TRAK2: variants seen among roughly 807,000 people sequenced by gnomAD.
TRAK2 encodes trafficking kinesin protein 2.
Under a neutral mutation model 104.6 loss-of-function variants are expected in TRAK2, and 81 were observed. That is an observed-to-expected ratio of 0.77 (90% confidence interval 0.65 to 0.93). TRAK2 has a LOEUF of 0.93. Among genes scored for constraint, TRAK2 ranks in the 40% least tolerant of loss-of-function variants. The pLI is 0.00. For missense variants in TRAK2, 1,002 were observed against 1,089.0 expected (o/e 0.92, Z 1.12); for synonymous variants, 406 against 394.4 (o/e 1.03, Z -0.35).
chr2:201,434,348 T>G (rs1004305077), intron 1 of TRAK2, among the ~76,000 whole-genome samples: 2 of 152,186 alleles, frequency 1.3e-5, no homozygotes, highest in African/African-American at 2.4e-5. Flanking sequence ...CCCAGTAATC[T>G]ATCATTAGCA....
At chr2:201,390,327 G>T (rs2349080) in intron 10 of TRAK2, among the ~76,000 whole-genome samples, 76 of 150,098 alleles carry the variant, frequency 5.1e-4, no homozygotes, top group African/African-American at 1.8e-3. Flanking sequence ...GGTGGATCAC[G>T]AGGTCAGGAG....
rs553752764 is a variant in TRAK2, at chr2:201,381,102, C to T, written c.2186G>A (p.Arg729Gln). ...LSIGESITNR[R>Q]DSTTTFSSTM... ...GCTACTGAAGGTTGTAGTGGAATCT[C>T]GTCGGTTGGTGATGGACTCACCAAT... Residue 729 changes from arginine to glutamine, a missense_variant, in exon 16 of 16, where the codon CGA (arginine) becomes CAA (glutamine). By Grantham distance (43) the Arg-to-Gln change is conservative. Coordinates refer to ENST00000332624, the MANE Select transcript of TRAK2 (RefSeq NM_015049.3). The T allele has an allele frequency of 1.7e-5, 27 of 1,613,864 alleles. No individual in the cohort carries two copies. Among genetic ancestry groups the T allele is most frequent in the South Asian group, 1.5e-4 (14 of 91,086 alleles).
intron 1 of TRAK2, among the ~76,000 whole-genome samples, chr2:201,448,939 G>T (rs890890320): frequency 6.6e-6 from 1 of 151,990 alleles, no homozygotes; most frequent in East Asian, 1.9e-4. Context: ...CTCCTGCCTC[G>T]GGCTCTCAAA....
Position 201,420,823 on chromosome 2 carries a change from A to G in TRAK2, c.-199-117T>C, listed in dbSNP as rs1951734598. On this transcript the variant is annotated intron_variant, in intron 1 of 15. Coordinates refer to ENST00000332624, the MANE Select transcript of TRAK2 (RefSeq NM_015049.3). ...TCTAATGATTCATACAACATGGATAAATCTCATAATTATGCTGGAAGAAAG... is the reference window on the plus strand; with the variant it reads ...TCTAATGATTCATACAACATGGATAGATCTCATAATTATGCTGGAAGAAAG... The G allele has an allele frequency of 2.4e-5, 5 of 207,518 alleles. No homozygotes were observed. In the South Asian group the frequency reaches 5.0e-4, roughly 21 times the overall value. The allele number at this position is 207,518 out of a possible 1,614,324, so 12.9% of individuals were successfully genotyped here.
intron 3 of TRAK2, among the ~76,000 whole-genome samples, chr2:201,406,710 C>T (rs1000206895): frequency 6.6e-6 from 1 of 152,114 alleles, no homozygotes; most frequent in Non-Finnish European, 1.5e-5. Context: ...ACTGTGCACA[C>T]AACATTTTTT....
chr2:201,441,799 C>G (rs1951926629), intron 1 of TRAK2, among the ~76,000 whole-genome samples: 1 of 151,388 alleles, frequency 6.6e-6, no homozygotes, highest in Non-Finnish European at 1.5e-5. Flanking sequence ...TTAAGCGATT[C>G]TCCTGCCTCA....
At chr2:201,424,859 G>A (rs1423171005) in intron 1 of TRAK2, among the ~76,000 whole-genome samples, 2 of 152,014 alleles carry the variant, frequency 1.3e-5, no homozygotes, top group South Asian at 2.1e-4. Flanking sequence ...CGCCCGCCTC[G>A]GCCTCCCAAA....
chr2:201,387,616 C>A, intron 13 of TRAK2, 87 bp downstream of exon 13: 1 of 1,349,764 alleles, frequency 7.4e-7, no homozygotes, highest in Admixed American at 2.3e-5. Flanking sequence ...CATAATGTTC[C>A]TATAATTAAG....
Position 201,380,636 on chromosome 2 carries a change from T to C in TRAK2, c.2652A>G (p.Leu884=), listed in dbSNP as rs368876392. Residue 884 remains leucine, a synonymous_variant, in exon 16 of 16, where the codon CTA becomes CTG. Transcript: ENST00000332624. ...TGACTGGAAGACTCTGATTCCTCCTTAGTCCACCTAATAAACTGCTACCTG... is the reference window on the plus strand; with the variant it reads ...TGACTGGAAGACTCTGATTCCTCCTCAGTCCACCTAATAAACTGCTACCTG... ...LNSGSSLLGG[L]RRNQSLPVIM... The C allele has an allele frequency of 2.6e-5, 42 of 1,613,934 alleles. No homozygotes were observed. The highest frequency in any genetic ancestry group is 3.4e-5 in the Non-Finnish European group (40 of 1,179,980).
At chr2:201,386,642 C>T (rs902693721) in intron 13 of TRAK2, among the ~76,000 whole-genome samples, 158 bp from the exon 14 acceptor site, 2 of 151,996 alleles carry the variant, frequency 1.3e-5, no homozygotes, top group African/African-American at 4.8e-5. Flanking sequence ...TTAAAGTTTT[C>T]AGTGGAAGAT....
intron 3 of TRAK2, among the ~76,000 whole-genome samples, chr2:201,405,633 G>A (rs956230459): frequency 2.0e-5 from 3 of 152,158 alleles, no homozygotes; most frequent in Non-Finnish European, 4.4e-5. Flanking sequence ...TTTCTGTGAC[G>A]CTTTGTCAAA....
chr2:201,393,028 T>C lies in TRAK2; in HGVS notation c.994A>G (p.Arg332Gly), dbSNP rs773315008. 5.0e-6 allele frequency: 8 copies of C among 1,612,082 alleles called. No homozygotes were observed. In the East Asian group the frequency reaches 1.6e-4, roughly 31 times the overall value. The change falls in exon 10 of 16, where the codon AGG becomes GGG. Residue 332 changes from arginine to glycine, a missense_variant. Arg to Gly is a moderately radical substitution (Grantham distance 125). Transcript: ENST00000332624. Reference protein sequence around the residue: ...LTMELHELQDRNMECLGMLHE... With the variant: ...LTMELHELQDGNMECLGMLHE... ...AACATTCCTAGACACTCCATATTCC[T>C]GTCTTGTAACTCGTGCAGCTAAAAG...
intron 2 of TRAK2, among the ~76,000 whole-genome samples, chr2:201,414,335 A>G (rs551346724): frequency 5.0e-4 from 76 of 152,354 alleles, no homozygotes; most frequent in African/African-American, 1.8e-3. Flanking sequence ...TAAAATAGCG[A>G]AAGTACAGGA....
At chr2:201,421,412 T>G (rs960846999) in intron 1 of TRAK2, among the ~76,000 whole-genome samples, 4 of 152,066 alleles carry the variant, frequency 2.6e-5, no homozygotes, top group African/African-American at 4.8e-5. Flanking sequence ...AAAACAGGGT[T>G]TTTTAATCTT....
chr2:201,403,419 A>G (rs1018859329), intron 3 of TRAK2, among the ~76,000 whole-genome samples: 2 of 152,078 alleles, frequency 1.3e-5, no homozygotes, highest in African/African-American at 4.8e-5. Context: ...ATTAGAAAAA[A>G]CTCAGATGAT....
At chr2:201,412,442 T>C (rs147528541) in intron 2 of TRAK2, 8 of 1,240,920 alleles carry the variant, frequency 6.4e-6, no homozygotes, top group Middle Eastern at 2.3e-4. Flanking sequence ...ATAAGTGAAC[T>C]AGATCCTAAA....
At chr2:201,404,993 G>C (rs1576517331) in intron 3 of TRAK2, among the ~76,000 whole-genome samples, 1 of 152,224 alleles carries the variant, frequency 6.6e-6, no homozygotes, top group South Asian at 2.1e-4. Flanking sequence ...AGGATTCCAG[G>C]GGAGAATCAG....
At chr2:201,399,654 G>C (rs1271509263) in intron 4 of TRAK2, 161 bp from the exon 5 acceptor site, 1 of 547,394 alleles carries the variant, frequency 1.8e-6, no homozygotes, top group Non-Finnish European at 3.3e-6. Flanking sequence ...CTGGCACACA[G>C]GTAGTGCTTT....
intron 1 of TRAK2, among the ~76,000 whole-genome samples, chr2:201,448,112 CCA>C (rs1193859715): frequency 6.6e-6 from 1 of 152,202 alleles, no homozygotes; most frequent in Non-Finnish European, 1.5e-5. Flanking sequence ...AATCCTGATT[CCA>C]CAGTTTACTT....
Sources: allele counts gnomAD v4.1 joint callset (sites outside exome capture counted in the v4.1 genomes callset), GRCh38; gene constraint gnomAD v4.1.1; transcripts MANE v1.5; gene names NCBI Gene and HGNC (gene_info 2026-07-23, HGNC 2026-07-21).